Variants in CDH23 observed in about 807,000 individuals in gnomAD.
CDH23 encodes the protein cadherin related 23, also known as cadherin-23.
CDH23 carries 189 observed loss-of-function variants against 317.1 expected under a neutral mutation model. The ratio of observed to expected loss-of-function variants is 0.60; its 90% confidence interval spans 0.53 to 0.67. The LOEUF (loss-of-function observed/expected upper bound fraction) is 0.67. Ranked by LOEUF, CDH23 falls within the 30% of genes least tolerant of loss-of-function variation. The pLI is 0.00. For missense variants in CDH23, 4,401 were observed against 4,592.4 expected (o/e 0.96, Z 1.20); for synonymous variants, 1,839 against 1,876.8 (o/e 0.98, Z 0.52).
chr10:71,463,734 C>T (rs376532197), intron 3 of CDH23, among the ~76,000 whole-genome samples: 3 of 152,246 alleles, frequency 2.0e-5, no homozygotes, highest in African/African-American at 7.2e-5. Context: ...TCAAAGACAT[C>T]TTCATGGTAG....
chr10:71,775,438 C>A (rs941256470), intron 38 of CDH23, among the ~76,000 whole-genome samples: 1 of 152,168 alleles, frequency 6.6e-6, no homozygotes, highest in African/African-American at 2.4e-5. Flanking sequence ...GGGCCCAGTT[C>A]CCTCCCCCCT....
At chr10:71,638,824 AG>A (rs367651142) in intron 11 of CDH23, among the ~76,000 whole-genome samples, 2 of 152,338 alleles carry the variant, frequency 1.3e-5, no homozygotes, top group South Asian at 4.1e-4. Flanking sequence ...AGAGACTAGG[AG>A]GGAGCAGTGG....
chr10:71,775,380 G>A (rs991796833), intron 38 of CDH23, among the ~76,000 whole-genome samples: 6 of 149,528 alleles, frequency 4.0e-5, no homozygotes, highest in South Asian at 4.2e-4. Flanking sequence ...AGAAAGGGGA[G>A]CAATTGCCCT....
At chr10:71,633,219 A>T (rs1271652843) in intron 11 of CDH23, among the ~76,000 whole-genome samples, 1 of 152,112 alleles carries the variant, frequency 6.6e-6, no homozygotes, top group East Asian at 1.9e-4. Flanking sequence ...GCCACTGAGG[A>T]TTAAATTTCA....
intron 6 of CDH23, among the ~76,000 whole-genome samples, chr10:71,516,145 C>T (rs1425841306): frequency 6.6e-6 from 1 of 152,164 alleles, no homozygotes; most frequent in Non-Finnish European, 1.5e-5. Flanking sequence ...GGGTGTGTGT[C>T]CTTTGCAGGT....
chr10:71,601,870 G>A lies in CDH23; in HGVS notation c.833-13634G>A, dbSNP rs377740113. On this transcript the variant is annotated intron_variant, in intron 9 of 69. Coordinates refer to ENST00000224721, the MANE Select transcript of CDH23 (RefSeq NM_022124.6). The stretch of plus-strand genomic sequence containing the variant: ...TGAGGCCCAGAGAAGTGAAGTGACT[G>A]GCCCAGGGTCACAGCTGTCTTCTGA... 3.4e-4 allele frequency among the ~76,000 whole-genome samples: 51 copies of A among 152,086 alleles called. 1 individual carries two copies. The East Asian group carries it at 6.6e-3, about 20-fold the overall frequency.
At chr10:71,412,611 T>C (rs1014380346) in intron 1 of CDH23, among the ~76,000 whole-genome samples, 9 of 152,132 alleles carry the variant, frequency 5.9e-5, no homozygotes, top group Non-Finnish European at 1.2e-4. Flanking sequence ...TGAGCTCAAG[T>C]GATCTTCACG....
intron 3 of CDH23, among the ~76,000 whole-genome samples, chr10:71,500,853 C>G (rs1853283254): frequency 7.8e-6 from 1 of 127,950 alleles, no homozygotes. Context: ...TTCTTCCTTT[C>G]TTTCTTTCTT....
intron 34 of CDH23, among the ~76,000 whole-genome samples, chr10:71,736,987 G>A (rs1839584388): frequency 6.6e-6 from 1 of 152,146 alleles, no homozygotes; most frequent in Non-Finnish European, 1.5e-5. Context: ...CAGAGGGAAC[G>A]GCAAGCACAA....
At chr10:71,610,012 CG>C (rs1860777251) in intron 9 of CDH23, among the ~76,000 whole-genome samples, 1 of 142,546 alleles carries the variant, frequency 7.0e-6, no homozygotes, top group East Asian at 2.2e-4. Flanking sequence ...GACAGAGAGA[CG>C]AGAGAGAGAG....
chr10:71,521,633 C>T (rs911052157), intron 6 of CDH23, among the ~76,000 whole-genome samples: 1 of 152,236 alleles, frequency 6.6e-6, no homozygotes, highest in African/African-American at 2.4e-5. Context: ...AGAACCATCC[C>T]GTGGGAGAGG....
In CDH23 at chr10:71,636,882, C is replaced by A. The variant is rs187384346; in HGVS notation, c.1135-6979C>A. ...AAAAAGAGGCAGCAGGGCAGAGCCA[C>A]CCACCATGTGACATGGGCTTGCTGG... On this transcript the variant is annotated intron_variant, in intron 11 of 69. Transcript: ENST00000224721. Among the ~76,000 whole-genome samples, 337 of 152,324 alleles carry A rather than the reference C, an allele frequency of 2.2e-3. No homozygotes were observed. In the Middle Eastern group the frequency reaches 0.031, roughly 14 times the overall value.
intron 6 of CDH23, among the ~76,000 whole-genome samples, chr10:71,552,218 G>A (rs1014253379): frequency 2.0e-5 from 3 of 152,250 alleles, no homozygotes; most frequent in Non-Finnish European, 4.4e-5. Context: ...TCACACAGAG[G>A]TGGAAGAGGG....
intron 6 of CDH23, among the ~76,000 whole-genome samples, chr10:71,541,650 G>A (rs533231817): frequency 5.9e-5 from 9 of 152,332 alleles, no homozygotes; most frequent in African/African-American, 1.9e-4. Flanking sequence ...TGCTCTGGGG[G>A]TTTGGAGGCC....
intron 44 of CDH23, among the ~76,000 whole-genome samples, chr10:71,788,391 G>T (rs1348276708): frequency 6.6e-6 from 1 of 152,068 alleles, no homozygotes; most frequent in Non-Finnish European, 1.5e-5. Flanking sequence ...TCTGACTGGT[G>T]TGAGAGGGTA....
intron 29 of CDH23, 91 bp downstream of exon 29, chr10:71,724,196 C>A: frequency 1.5e-6 from 2 of 1,364,890 alleles, no homozygotes; most frequent in South Asian, 1.2e-5. Context: ...GGAGATGAGG[C>A]CAAGAGAACC....
intron 9 of CDH23, among the ~76,000 whole-genome samples, chr10:71,613,904 C>T (rs943879095): frequency 2.6e-5 from 4 of 152,238 alleles, no homozygotes; most frequent in Admixed American, 6.5e-5. Context: ...CAAACAATAA[C>T]GACAACACTA....
chr10:71,636,286 G>A lies in CDH23; in HGVS notation c.1135-7575G>A, dbSNP rs1417880928. ...TGTAATCCCAGCACTTTGGGAAGCC[G>A]AGGCGGGAGGATGGCTTGAGCCCAG... On this transcript the variant is annotated intron_variant, in intron 11 of 69. Transcript: ENST00000224721. Among the ~76,000 whole-genome samples the A allele has an allele frequency of 2.0e-5, 3 of 152,110 alleles. 1 individual carries two copies. The South Asian group carries it at 6.2e-4, about 32-fold the overall frequency.
At position 71,646,491 on chromosome 10, in the gene CDH23, G is replaced by A. The variant is rs1356374971; in HGVS notation, c.1323G>A (p.Val441=). 6.2e-7 allele frequency: 1 copy of A among 1,613,810 alleles called. No homozygotes were observed. Among genetic ancestry groups the A allele is most frequent in the Non-Finnish European group, 8.5e-7 (1 of 1,179,896 alleles). The change falls in exon 14 of 70, where the codon GTG becomes GTA. Residue 441 remains valine, a synonymous_variant. Coordinates refer to ENST00000224721, the MANE Select transcript of CDH23 (RefSeq NM_022124.6). The stretch of plus-strand genomic sequence containing the variant: ...CCAATGAGAGTGTGCCTGACCATGT[G>A]GGCTATGCCAAGGTGAAGATCACTC... ...LFANESVPDH[V]GYAKVKITLI... is the part of the protein sequence containing the mutation.
Sources: allele counts gnomAD v4.1 joint callset (sites outside exome capture counted in the v4.1 genomes callset), GRCh38; gene constraint gnomAD v4.1.1; transcripts MANE v1.5; gene names NCBI Gene and HGNC (gene_info 2026-07-23, HGNC 2026-07-21).